The following NRG1 variants were observed in gnomAD, a reference collection of about 807,000 sequenced individuals.
The protein encoded by NRG1 is neuregulin 1.
In NRG1, 18 loss-of-function variants were observed where a neutral mutation model predicts 63.8. The ratio of observed to expected loss-of-function variants is 0.28; its 90% CI spans 0.19 to 0.42. The LOEUF is 0.42. Ranked by LOEUF, NRG1 falls within the 10% of genes least tolerant of loss-of-function variation. The pLI is 1.00. For missense variants in NRG1, 762 were observed against 814.7 expected, an observed-to-expected ratio of 0.94 and a Z score of 0.79; for synonymous variants, 302 against 301.3, an observed-to-expected ratio of 1.00 and a Z score of -0.02.
intron 1 of NRG1, among the ~76,000 whole-genome samples, chr8:32,542,737 C>T (rs1237327418): frequency 6.6e-6 from 1 of 152,050 alleles, no homozygotes; most frequent in Non-Finnish European, 1.5e-5. Flanking sequence ...TGGATAGACT[C>T]CTGGGAAGCA....
At chr8:32,049,319 A>C (rs1238720439) in intron 1 of NRG1, among the ~76,000 whole-genome samples, 1 of 152,188 alleles carries the variant, frequency 6.6e-6, no homozygotes, top group East Asian at 1.9e-4. Context: ...TGCTAAATAT[A>C]TTCCATCCAG....
chr8:32,323,782 G>A (rs189986916), intron 1 of NRG1, among the ~76,000 whole-genome samples: 58 of 152,322 alleles, frequency 3.8e-4, no homozygotes, highest in African/African-American at 1.3e-3. Context: ...AGGAGTCAAA[G>A]GGTTGGTTTT....
chr8:32,687,778 C>G (rs1810547425), intron 5 of NRG1, among the ~76,000 whole-genome samples: 1 of 152,144 alleles, frequency 6.6e-6, no homozygotes, highest in African/African-American at 2.4e-5. Context: ...TGTAAGAGTA[C>G]AAGTAAAGCT....
At chr8:31,797,345 G>T (rs1821324165) in intron 1 of NRG1, among the ~76,000 whole-genome samples, 1 of 152,026 alleles carries the variant, frequency 6.6e-6, no homozygotes, top group African/African-American at 2.4e-5. Context: ...GTTCCTTAAG[G>T]CAGTGATAGA....
chr8:31,853,087 G>A (rs139380160), intron 1 of NRG1, among the ~76,000 whole-genome samples: 56,672 of 151,414 alleles, frequency 0.37, 10,970 homozygotes, highest in East Asian at 0.73. Context: ...TTGACTTGGC[G>A]ATGCGGGCTC....
At chr8:32,514,828 T>A (rs16879497) in intron 1 of NRG1, among the ~76,000 whole-genome samples, 1 of 148,422 alleles carries the variant, frequency 6.7e-6, no homozygotes, top group Non-Finnish European at 1.5e-5. Flanking sequence ...ATTAAAAAAA[T>A]AATGTCGACT....
chr8:31,842,934 G>A (rs1265682561), intron 1 of NRG1, among the ~76,000 whole-genome samples: 1 of 152,140 alleles, frequency 6.6e-6, no homozygotes, highest in Non-Finnish European at 1.5e-5. Flanking sequence ...GGATTTCATA[G>A]GATGTCCCAG....
intron 1 of NRG1, among the ~76,000 whole-genome samples, chr8:32,478,151 T>C (rs555446618): frequency 6.6e-6 from 1 of 152,230 alleles, no homozygotes; most frequent in East Asian, 1.9e-4. Flanking sequence ...GTTTCAAGTA[T>C]CCTTCTGCTG....
Position 31,831,855 on chromosome 8 carries a change from A to C in NRG1, c.37+192424A>C, listed in dbSNP as rs375354791. On this transcript the variant is annotated intron_variant, in intron 1 of 10. Transcript: ENST00000519301. ...AGGGACTCACTCAGAGACCACCTAG[A>C]CTCCAATCAGTATCCAGCCTTTAGG... Among the ~76,000 whole-genome samples, 10 of 152,158 alleles carry C rather than the reference A, an allele frequency of 6.6e-5. No individual in the cohort carries two copies. In the East Asian group the frequency reaches 1.2e-3, roughly 18 times the overall value.
chr8:32,105,617 A>G (rs968081841), intron 1 of NRG1, among the ~76,000 whole-genome samples: 12 of 152,130 alleles, frequency 7.9e-5, no homozygotes, highest in African/African-American at 2.4e-4. Context: ...CTACAGTACT[A>G]TAGCAGTTGA....
chr8:31,958,230 A>G (rs1475557938), intron 1 of NRG1, among the ~76,000 whole-genome samples: 1 of 152,208 alleles, frequency 6.6e-6, no homozygotes, highest in East Asian at 1.9e-4. Context: ...AATGGAATGA[A>G]CATCCAATAA....
At chr8:32,483,863 G>A (rs753676260) in intron 1 of NRG1, among the ~76,000 whole-genome samples, 26 of 152,168 alleles carry the variant, frequency 1.7e-4, no homozygotes, top group Non-Finnish European at 3.5e-4. Context: ...CCAGCACTTT[G>A]GGGGGCCGAG....
chr8:31,682,913 A>T (rs1215737331), intron 1 of NRG1, among the ~76,000 whole-genome samples: 1 of 152,166 alleles, frequency 6.6e-6, no homozygotes, highest in African/African-American at 2.4e-5. Flanking sequence ...ATCTCAGGGG[A>T]ACCCCCACGC....
chr8:32,193,291 T>C (rs913665001), intron 1 of NRG1, among the ~76,000 whole-genome samples: 1 of 139,946 alleles, frequency 7.1e-6, no homozygotes, highest in Non-Finnish European at 1.6e-5. Flanking sequence ...ATAGTGCTTT[T>C]CTTTTTCTAC....
intron 5 of NRG1, among the ~76,000 whole-genome samples, chr8:32,621,795 T>A (rs1324682429): frequency 6.6e-6 from 1 of 152,198 alleles, no homozygotes; most frequent in African/African-American, 2.4e-5. Context: ...CACTGTACGT[T>A]GAAACTGATA....
At chr8:32,061,296 T>A (rs1336186618) in intron 1 of NRG1, among the ~76,000 whole-genome samples, 1 of 151,962 alleles carries the variant, frequency 6.6e-6, no homozygotes, top group Non-Finnish European at 1.5e-5. Flanking sequence ...AGACCAGTAG[T>A]CAATTATTAT....
intron 1 of NRG1, among the ~76,000 whole-genome samples, chr8:31,750,040 C>G (rs1010571336): frequency 6.6e-6 from 1 of 151,758 alleles, no homozygotes; most frequent in Non-Finnish European, 1.5e-5. Flanking sequence ...CACCTTCCAC[C>G]AGGAGAAGCC....
chr8:32,352,362 C>A (rs1805715636), intron 1 of NRG1, among the ~76,000 whole-genome samples: 1 of 151,704 alleles, frequency 6.6e-6, no homozygotes, highest in African/African-American at 2.4e-5. Context: ...ACTTTGTCTT[C>A]TTCTTGACCA....
At chr8:32,187,924 G>A (rs1296352556) in intron 1 of NRG1, among the ~76,000 whole-genome samples, 1 of 152,192 alleles carries the variant, frequency 6.6e-6, no homozygotes, top group African/African-American at 2.4e-5. Flanking sequence ...TGGTATGCCA[G>A]TGCAGAGGAG....
Sources: gnomAD v4.1 joint callset for allele counts (sites outside exome capture counted in the v4.1 genomes callset) on GRCh38, gnomAD v4.1.1 for gene constraint, MANE v1.5 for transcripts, NCBI Gene and HGNC (gene_info 2026-07-23, HGNC 2026-07-21) for gene names.